Variants in SCRN1 observed in about 807,000 individuals in gnomAD.
SCRN1 encodes secernin 1.
A neutral mutation model predicts 43.3 loss-of-function variants in SCRN1; 19 were observed. That is an observed-to-expected ratio of 0.44 (90% CI 0.31 to 0.64). SCRN1 has a LOEUF of 0.64. Among genes scored for constraint, SCRN1 ranks in the 30% least tolerant of loss-of-function variants. The pLI is 0.09. For missense variants in SCRN1, 447 were observed against 524.1 expected, an observed-to-expected ratio of 0.85 and a Z score of 1.44; for synonymous variants, 183 against 188.9, an observed-to-expected ratio of 0.97 and a Z score of 0.26.
intron 6 of SCRN1, among the ~76,000 whole-genome samples, chr7:29,929,278 C>T (rs1787078366): frequency 6.6e-6 from 1 of 152,262 alleles, no homozygotes; most frequent in African/African-American, 2.4e-5. Flanking sequence ...CCAAGACTCC[C>T]ACCTGGGCTG....
Position 29,944,308 on chromosome 7 carries a change from A to G in SCRN1, c.342-129T>C. 6.8e-6 allele frequency: 5 copies of G among 735,356 alleles called. No homozygotes were observed. In the South Asian group the frequency reaches 6.9e-5, roughly 10 times the overall value. The allele number at this position is 735,356 out of a possible 1,614,324, so 45.6% of individuals were successfully genotyped here. Reference sequence around the variant, plus strand: ...ATGTGTAAACATGTTAAGTCTGCAGAACAATAAGCAAACTGATTAACTGCA... The same window carrying G: ...ATGTGTAAACATGTTAAGTCTGCAGGACAATAAGCAAACTGATTAACTGCA... On this transcript the variant is annotated intron_variant, in intron 3 of 7. Coordinates refer to ENST00000242059, the MANE Select transcript of SCRN1 (RefSeq NM_014766.5).
chr7:29,929,778 A>C (rs1177396737), intron 6 of SCRN1, among the ~76,000 whole-genome samples: 3 of 152,238 alleles, frequency 2.0e-5, no homozygotes, highest in Non-Finnish European at 4.4e-5. Context: ...TCTGTCATGA[A>C]GCTTGTAAAC....
chr7:29,975,978 TG>T (rs1165669732), intron 1 of SCRN1, among the ~76,000 whole-genome samples: 2 of 152,242 alleles, frequency 1.3e-5, no homozygotes, highest in Non-Finnish European at 2.9e-5. Context: ...CATTAAAGAC[TG>T]GAGTTTAGGA....
chr7:29,932,515 G>C (rs1340622029), intron 6 of SCRN1, among the ~76,000 whole-genome samples: 1 of 151,734 alleles, frequency 6.6e-6, no homozygotes, highest in Non-Finnish European at 1.5e-5. Flanking sequence ...AGCCGGGTGT[G>C]GTGGCACGTG....
intron 1 of SCRN1, chr7:29,969,890 G>A (rs183604202): frequency 2.2e-6 from 1 of 456,274 alleles, no homozygotes; most frequent in Non-Finnish European, 4.4e-6. Context: ...TCTTTATCTT[G>A]GTAGCCAAGG....
chr7:29,990,196 C>A, upstream of SCRN1: 1 of 1,551,672 alleles, frequency 6.4e-7, no homozygotes, highest in Non-Finnish European at 8.7e-7. Flanking sequence ...TTGACTCGCA[C>A]GTCCAAGTCG....
intron 6 of SCRN1, among the ~76,000 whole-genome samples, chr7:29,931,760 C>T (rs1288679134): frequency 6.6e-6 from 1 of 152,120 alleles, no homozygotes; most frequent in Non-Finnish European, 1.5e-5. Context: ...GGAGAGTTAG[C>T]ACAGAAAGAA....
intron 2 of SCRN1, 135 bp from the exon 3 acceptor site, chr7:29,955,495 T>C (rs2128094040): frequency 1.3e-6 from 1 of 776,272 alleles, no homozygotes; most frequent in South Asian, 1.9e-5. Context: ...AATACCCTGA[T>C]TTTTAAGTCT....
chr7:29,956,408 C>CT (rs1356527557), intron 2 of SCRN1, among the ~76,000 whole-genome samples: 1 of 152,204 alleles, frequency 6.6e-6, no homozygotes, highest in Non-Finnish European at 1.5e-5. Flanking sequence ...ATTCAAGTCT[C>CT]TAAGTTACAC....
chr7:29,982,639 T>C (rs934334257), intron 1 of SCRN1, among the ~76,000 whole-genome samples: 3 of 135,750 alleles, frequency 2.2e-5, no homozygotes, highest in African/African-American at 2.8e-5. Context: ...CCCATGACTA[T>C]GCCACTGCAC....
intron 1 of SCRN1, chr7:29,988,542 C>G (rs929742606): frequency 6.6e-6 from 1 of 152,374 alleles, no homozygotes; most frequent in Non-Finnish European, 1.5e-5. Flanking sequence ...GTGGTCTGTG[C>G]TGCTTCCGCC....
intron 3 of SCRN1, among the ~76,000 whole-genome samples, chr7:29,944,504 AT>A (rs950312292): frequency 1.3e-5 from 2 of 151,828 alleles, no homozygotes; most frequent in Admixed American, 6.6e-5. Flanking sequence ...TCAAAAAAAA[AT>A]TTTTTTAATT....
At chr7:29,926,850 A>G (rs1173506048) in intron 6 of SCRN1, among the ~76,000 whole-genome samples, 1 of 152,144 alleles carries the variant, frequency 6.6e-6, no homozygotes, top group Non-Finnish European at 1.5e-5. Flanking sequence ...AAATTCCTCT[A>G]CTTACAGCAA....
At chr7:29,956,835 A>C (rs980149405) in intron 2 of SCRN1, among the ~76,000 whole-genome samples, 4 of 151,732 alleles carry the variant, frequency 2.6e-5, no homozygotes, top group African/African-American at 9.7e-5. Context: ...CCCAAAAGTT[A>C]TTTATTTAAA....
chr7:29,935,524 G>T (rs1247592184), intron 6 of SCRN1, among the ~76,000 whole-genome samples: 2 of 152,198 alleles, frequency 1.3e-5, no homozygotes, highest in Non-Finnish European at 2.9e-5. Context: ...TACTGGAATG[G>T]GCAGGCTTCT....
intron 7 of SCRN1, 48 bp downstream of exon 7, chr7:29,926,404 C>A (rs369315266): frequency 8.1e-5 from 129 of 1,590,978 alleles, no homozygotes; most frequent in Non-Finnish European, 1.0e-4. Context: ...TCGCTGACCT[C>A]GCCCGCCCGC....
chr7:29,966,153 G>A (rs1462625396), intron 2 of SCRN1, among the ~76,000 whole-genome samples: 3 of 74,220 alleles, frequency 4.0e-5, no homozygotes, highest in East Asian at 7.0e-4. Flanking sequence ...GAGAGAGACC[G>A]AGAGACAGAG....
At position 29,943,919 on chromosome 7, in the gene SCRN1, A is replaced by C. The variant is rs1787640755; in HGVS notation, c.544+58T>G. 3 of 1,528,270 alleles carry C rather than the reference A, an allele frequency of 2.0e-6. No individual in the cohort carries two copies. The Admixed American group carries it at 5.0e-5, about 26-fold the overall frequency. 94.7% of individuals were successfully genotyped at this position (1,528,270 alleles called of 1,614,324 possible). A position where few individuals can be genotyped will look rare whatever the true frequency, so the allele number is the denominator to read the frequency against. ...AGGTCTGACACTGTACGTGCAGGCC[A>C]CCCCATCTCTGTGGCCTTCCCTGTC... On this transcript the variant is annotated intron_variant, in intron 4 of 7. Coordinates refer to ENST00000242059, the MANE Select transcript of SCRN1 (RefSeq NM_014766.5).
At chr7:29,989,863 C>A (rs1789310148), upstream of SCRN1, 1 of 1,007,150 alleles carries the variant, frequency 9.9e-7, no homozygotes, top group African/African-American at 1.7e-5. Context: ...CGCGGGCCCA[C>A]CCTCCGCCTC....
Sources: gnomAD v4.1 joint callset for allele counts (sites outside exome capture counted in the v4.1 genomes callset) on GRCh38, gnomAD v4.1.1 for gene constraint, MANE v1.5 for transcripts, NCBI Gene and HGNC (gene_info 2026-07-23, HGNC 2026-07-21) for gene names.